Variants in ASIC2 observed in about 807,000 individuals in gnomAD.
The protein encoded by ASIC2 is acid-sensing ion channel 2.
In ASIC2, 25 loss-of-function variants were observed where a neutral mutation model predicts 57.3. The ratio of observed to expected loss-of-function variants is 0.44; its 90% CI spans 0.32 to 0.61. ASIC2 has a LOEUF of 0.61. Ranked by LOEUF, ASIC2 falls within the 20% of genes least tolerant of loss-of-function variation. The pLI is 0.06. For synonymous variants in ASIC2, 319 were observed against 307.5 expected, an observed-to-expected ratio of 1.04 and a Z score of -0.39; for missense variants, 641 against 738.1, an observed-to-expected ratio of 0.87 and a Z score of 1.52.
chr17:34,061,886 C>T (rs1182435490), intron 1 of ASIC2, among the ~76,000 whole-genome samples: 2 of 152,092 alleles, frequency 1.3e-5, no homozygotes, highest in African/African-American at 4.8e-5. Context: ...ACAATTACAA[C>T]TAGACCTAAG....
intron 1 of ASIC2, among the ~76,000 whole-genome samples, chr17:33,319,814 A>T (rs1341329510): frequency 6.6e-6 from 1 of 152,214 alleles, no homozygotes; most frequent in Non-Finnish European, 1.5e-5. Context: ...GATTAGAGGC[A>T]TGAGCCACTG....
chr17:34,026,105 G>T (rs1175242692), intron 1 of ASIC2, among the ~76,000 whole-genome samples: 1 of 152,190 alleles, frequency 6.6e-6, no homozygotes, highest in Non-Finnish European at 1.5e-5. Flanking sequence ...ACCTGCAACT[G>T]CTTGATGCTA....
intron 1 of ASIC2, among the ~76,000 whole-genome samples, chr17:33,349,610 T>C (rs1185156170): frequency 1.3e-5 from 2 of 152,188 alleles, no homozygotes; most frequent in Admixed American, 6.5e-5. Context: ...CCACTGACTT[T>C]CAAAGTGGTT....
Position 34,089,884 on chromosome 17 carries a change from T to C in ASIC2, c.555+66094A>G, listed in dbSNP as rs554678142. Reference sequence around the variant, plus strand: ...GACAGCCCAGCAGTCGTGGCAGCAGTGTTAATTTATTCATCCCTTAATACC... The same window carrying C: ...GACAGCCCAGCAGTCGTGGCAGCAGCGTTAATTTATTCATCCCTTAATACC... On this transcript the variant is annotated intron_variant, in intron 1 of 9. Transcript: ENST00000359872. 1.4e-4 allele frequency among the ~76,000 whole-genome samples: 22 copies of C among 152,294 alleles called. No homozygotes were observed. The South Asian group carries it at 4.4e-3, about 30-fold the overall frequency.
intron 3 of ASIC2, among the ~76,000 whole-genome samples, chr17:33,078,401 T>C (rs762904078): frequency 1.4e-4 from 21 of 152,236 alleles, no homozygotes; most frequent in Non-Finnish European, 2.6e-4. Flanking sequence ...TAGTTCCTAG[T>C]GTTCAAAGAG....
intron 1 of ASIC2, among the ~76,000 whole-genome samples, chr17:34,084,049 G>A (rs1909999997): frequency 1.3e-5 from 2 of 151,736 alleles, no homozygotes. Flanking sequence ...TGTCAATTTT[G>A]GCTTTTGTTG....
At position 33,514,234 on chromosome 17, in the gene ASIC2, G is replaced by A. The variant is rs1914504349; in HGVS notation, c.556-402167C>T. On this transcript the variant is annotated intron_variant, in intron 1 of 9. Coordinates refer to the ASIC2 transcript ENST00000359872. ...CACTCCTGACTCAGAATTTTCAGAT[G>A]AGAGAACTGAGGCCCTGGATTTCAA... 2.6e-5 allele frequency among the ~76,000 whole-genome samples: 4 copies of A among 152,102 alleles called. No individual in the cohort carries two copies. In the South Asian group the frequency reaches 8.3e-4, roughly 32 times the overall value.
At chr17:33,764,016 G>A (rs559446849) in intron 1 of ASIC2, among the ~76,000 whole-genome samples, 4 of 152,254 alleles carry the variant, frequency 2.6e-5, no homozygotes, top group Admixed American at 2.0e-4. Context: ...GATTTCGGCC[G>A]GGTGCCGTGG....
intron 1 of ASIC2, among the ~76,000 whole-genome samples, chr17:33,656,549 C>T (rs1464359503): frequency 1.3e-5 from 2 of 152,188 alleles, no homozygotes; most frequent in African/African-American, 4.8e-5. Context: ...ATCTCCAAAC[C>T]TGCCTGAAAA....
intron 1 of ASIC2, among the ~76,000 whole-genome samples, chr17:34,011,548 C>A (rs893027731): frequency 6.6e-6 from 1 of 152,118 alleles, no homozygotes; most frequent in African/African-American, 2.4e-5. Flanking sequence ...ATCCTCCATT[C>A]CCCGCCCTCC....
At chr17:33,502,462 G>A (rs1219124689) in intron 1 of ASIC2, among the ~76,000 whole-genome samples, 2 of 152,194 alleles carry the variant, frequency 1.3e-5, no homozygotes, top group Admixed American at 6.5e-5. Context: ...TAACCTGCAG[G>A]CCCAGTAGAG....
intron 1 of ASIC2, among the ~76,000 whole-genome samples, chr17:33,212,184 A>C (rs1907302443): frequency 6.6e-6 from 1 of 152,240 alleles, no homozygotes; most frequent in Non-Finnish European, 1.5e-5. Flanking sequence ...GAAATCGTGA[A>C]TATTACCTTA....
At chr17:33,525,127 T>A (rs2141957341) in intron 1 of ASIC2, among the ~76,000 whole-genome samples, 1 of 152,316 alleles carries the variant, frequency 6.6e-6, no homozygotes, top group Non-Finnish European at 1.5e-5. Context: ...TTGGGCTGCC[T>A]TCCCCTCACT....
chr17:33,979,340 C>T (rs894636491), intron 1 of ASIC2, among the ~76,000 whole-genome samples: 10 of 152,284 alleles, frequency 6.6e-5, no homozygotes, highest in African/African-American at 2.4e-4. Flanking sequence ...GATTCAGAGT[C>T]TCCCTGGGGC....
chr17:33,874,551 G>T (rs535676665), intron 1 of ASIC2, among the ~76,000 whole-genome samples: 2 of 152,312 alleles, frequency 1.3e-5, no homozygotes, highest in South Asian at 4.1e-4. Flanking sequence ...TCTGATAATG[G>T]CTTAACCTCG....
chr17:33,654,603 G>A (rs1384379631), intron 1 of ASIC2, among the ~76,000 whole-genome samples: 1 of 152,260 alleles, frequency 6.6e-6, no homozygotes, highest in East Asian at 1.9e-4. Flanking sequence ...ACACCATTGT[G>A]TATAACATCT....
intron 1 of ASIC2, among the ~76,000 whole-genome samples, chr17:33,331,261 G>T (rs1907301410): frequency 6.6e-6 from 1 of 152,112 alleles, no homozygotes; most frequent in Non-Finnish European, 1.5e-5. Flanking sequence ...CCACAAAACT[G>T]GTCCCTGGTG....
At chr17:33,549,435 A>G (rs1426609254) in intron 1 of ASIC2, among the ~76,000 whole-genome samples, 2 of 152,110 alleles carry the variant, frequency 1.3e-5, no homozygotes, top group East Asian at 1.9e-4. Flanking sequence ...ATTCCTGACC[A>G]TCTCTCCTTT....
intron 1 of ASIC2, among the ~76,000 whole-genome samples, chr17:33,128,623 G>C (rs2142004248): frequency 6.6e-6 from 1 of 152,322 alleles, no homozygotes; most frequent in Middle Eastern, 3.4e-3. Flanking sequence ...GCCCTTCAGA[G>C]CTGTCCTGGA....
Sources: allele counts gnomAD v4.1 joint callset (sites outside exome capture counted in the v4.1 genomes callset), GRCh38; gene constraint gnomAD v4.1.1; transcripts MANE v1.5; gene names NCBI Gene and HGNC (gene_info 2026-07-23, HGNC 2026-07-21).